Variants in VGLL3 observed in about 807,000 individuals in gnomAD.
VGLL3 encodes transcription cofactor vestigial-like protein 3.
In VGLL3, 18 loss-of-function variants were observed where a neutral mutation model predicts 29.2. That is an observed-to-expected ratio of 0.62 (90% confidence interval 0.43 to 0.91). The LOEUF is 0.91. Among genes scored for constraint, VGLL3 ranks in the 40% least tolerant of loss-of-function variants. The pLI, the probability that VGLL3 is intolerant of heterozygous loss-of-function variation, is 0.00. For synonymous variants in VGLL3, 180 were observed against 151.8 expected (o/e 1.19, Z -1.36); for missense variants, 440 against 413.2 (o/e 1.06, Z -0.56).
In VGLL3 at chr3:86,944,182, C is replaced by G. The variant is rs1207371358; in HGVS notation, c.*2842G>C. ...TTATAGAGACATGCTCATTCTCTTT[C>G]TATGTATATTTTTGATCCACTCCCT... On this transcript the variant is annotated 3_prime_UTR_variant, in exon 4 of 4. Transcript: ENST00000398399. 3 of 152,120 alleles carry G rather than the reference C, an allele frequency of 2.0e-5. No individual in the cohort carries two copies. Among genetic ancestry groups the G allele is most frequent in the South Asian group, 4.1e-4 (2 of 4,824 alleles). The allele number at this position is 152,120 out of a possible 1,614,324, so 9.4% of individuals were successfully genotyped here. A position where few individuals can be genotyped will look rare whatever the true frequency, so the allele number is the denominator to read the frequency against.
chr3:86,990,806 C>G lies in VGLL3; in HGVS notation c.-63G>C. The stretch of plus-strand genomic sequence containing the variant: ...CCGCTCTACGCGCTGGCGCGAGGGG[C>G]GCGGGCGCCGCCGCCGCCGCAGCTG... On this transcript the variant is annotated 5_prime_UTR_variant, in exon 1 of 4. Coordinates refer to ENST00000398399, the MANE Select transcript of VGLL3 (RefSeq NM_016206.4). 8.2e-7 allele frequency: 1 copy of G among 1,219,582 alleles called. No homozygotes were observed. Among genetic ancestry groups the G allele is most frequent in the South Asian group, 4.1e-5 (1 of 24,364 alleles). 75.5% of individuals were successfully genotyped at this position (1,219,582 alleles called of 1,614,324 possible). A position where few individuals can be genotyped will look rare whatever the true frequency, so the allele number is the denominator to read the frequency against.
intron 2 of VGLL3, among the ~76,000 whole-genome samples, chr3:86,971,990 T>A (rs559939734): frequency 6.6e-6 from 1 of 152,250 alleles, no homozygotes; most frequent in Admixed American, 6.5e-5. Flanking sequence ...GCCAGAGATA[T>A]AGAATTCCCC....
intron 3 of VGLL3, among the ~76,000 whole-genome samples, chr3:86,968,351 CAG>C (rs1258139731): frequency 6.6e-6 from 1 of 152,126 alleles, no homozygotes; most frequent in Non-Finnish European, 1.5e-5. Context: ...TTCAAAGGAA[CAG>C]ACTACTAACC....
chr3:86,940,552 TGAATAAGGA>T lies in VGLL3; in HGVS notation c.*6463_*6471del, dbSNP rs1402226027. ...CCAAAATATTTATAAGATGCTTAATTGAATAAGGAGGAAACAAAAAGAGCTTTAAATTCT... is the reference window on the plus strand; with the variant it reads ...CCAAAATATTTATAAGATGCTTAATTGGAAACAAAAAGAGCTTTAAATTCT... On this transcript the variant is annotated 3_prime_UTR_variant, in exon 4 of 4. Coordinates refer to ENST00000398399, the MANE Select transcript of VGLL3 (RefSeq NM_016206.4). 1 of 152,538 alleles carries T rather than the reference TGAATAAGGA, an allele frequency of 6.6e-6. No homozygotes were observed. Among genetic ancestry groups the T allele is most frequent in the East Asian group, 1.9e-4 (1 of 5,202 alleles). The allele number at this position is 152,538 out of a possible 1,614,324, so 9.4% of individuals were successfully genotyped here. A position where few individuals can be genotyped will look rare whatever the true frequency, so the allele number is the denominator to read the frequency against.
At chr3:86,968,541 T>G (rs1705010990) in intron 3 of VGLL3, 49 bp downstream of exon 3, 1 of 1,535,254 alleles carries the variant, frequency 6.5e-7, no homozygotes, top group Non-Finnish European at 8.8e-7. Flanking sequence ...CCACCCTTTC[T>G]TAAATTAACT....
At chr3:86,965,011 G>A (rs1338918769) in intron 3 of VGLL3, among the ~76,000 whole-genome samples, 1 of 151,952 alleles carries the variant, frequency 6.6e-6, no homozygotes, top group Non-Finnish European at 1.5e-5. Flanking sequence ...TACAAAATTA[G>A]CCGGGCATAG....
At chr3:86,949,839 A>G (rs1002721633) in intron 3 of VGLL3, among the ~76,000 whole-genome samples, 7 of 148,860 alleles carry the variant, frequency 4.7e-5, no homozygotes, top group African/African-American at 1.8e-4. Context: ...AAAAAAAAAA[A>G]AAAGAAAAGA....
At chr3:86,971,691 C>A (rs181697707) in intron 2 of VGLL3, among the ~76,000 whole-genome samples, 6 of 152,110 alleles carry the variant, frequency 3.9e-5, no homozygotes, top group African/African-American at 1.4e-4. Flanking sequence ...GAAGGAAAGT[C>A]GTGTAAGTTG....
At position 86,945,117 on chromosome 3, in the gene VGLL3, A is replaced by G. The variant is rs998805092; in HGVS notation, c.*1907T>C. On this transcript the variant is annotated 3_prime_UTR_variant, in exon 4 of 4. Coordinates refer to ENST00000398399, the MANE Select transcript of VGLL3 (RefSeq NM_016206.4). ...TTCATATTATTAGTGAGTGGAAGGTATCTTAAATTTGGACCCCACAATGGT... is the reference window on the plus strand; with the variant it reads ...TTCATATTATTAGTGAGTGGAAGGTGTCTTAAATTTGGACCCCACAATGGT... The G allele has an allele frequency of 6.6e-6, 1 of 152,236 alleles. No homozygotes were observed. The highest frequency in any genetic ancestry group is 2.4e-5 in the African/African-American group (1 of 41,462). 9.4% of individuals were successfully genotyped at this position (152,236 alleles called of 1,614,324 possible).
At chr3:86,952,319 C>T (rs1704634024) in intron 3 of VGLL3, among the ~76,000 whole-genome samples, 1 of 152,130 alleles carries the variant, frequency 6.6e-6, no homozygotes, top group African/African-American at 2.4e-5. Context: ...TAATATACAG[C>T]TGAGTTTTAG....
intron 2 of VGLL3, among the ~76,000 whole-genome samples, chr3:86,975,855 G>A (rs1057196766): frequency 6.6e-6 from 1 of 151,988 alleles, no homozygotes; most frequent in African/African-American, 2.4e-5. Context: ...CTGTAAGTGT[G>A]GCTCCGAGCA....
rs1704446578 is a variant in VGLL3, at chr3:86,943,741, T to A, written c.*3283A>T. 1 of 152,164 alleles carries A rather than the reference T, an allele frequency of 6.6e-6. No homozygotes were observed. Among genetic ancestry groups the A allele is most frequent in the African/African-American group, 2.4e-5 (1 of 41,432 alleles). 9.4% of individuals were successfully genotyped at this position (152,164 alleles called of 1,614,324 possible). ...TCAAAAGTTTAGAGGCTCTTTCAAATTAATAATGAGAGACAAAATAATCTG... is the reference window on the plus strand; with the variant it reads ...TCAAAAGTTTAGAGGCTCTTTCAAAATAATAATGAGAGACAAAATAATCTG... On this transcript the variant is annotated 3_prime_UTR_variant, in exon 4 of 4. Coordinates refer to ENST00000398399, the MANE Select transcript of VGLL3 (RefSeq NM_016206.4).
rs377168997 is a variant in VGLL3 at position 86,969,037 on chromosome 3, C to G, written c.490G>C (p.Gly164Arg). The change falls in exon 3 of 4, where the codon GGG (glycine) becomes CGG (arginine). Residue 164 changes from glycine (G) to arginine (R), a missense_variant. Coordinates refer to ENST00000398399, the MANE Select transcript of VGLL3 (RefSeq NM_016206.4). Reference protein sequence around the residue: ...SYQPPPAPCLGGVHPDFQVTG... With the variant: ...SYQPPPAPCLRGVHPDFQVTG... Reference sequence around the variant, plus strand: ...ACCTGGAAGTCAGGATGAACTCCCCCCAAACAAGGTGCAGGTGGGGGCTGG... The same window carrying G: ...ACCTGGAAGTCAGGATGAACTCCCCGCAAACAAGGTGCAGGTGGGGGCTGG... The G allele has an allele frequency of 4.3e-6, 7 of 1,613,948 alleles. No homozygotes were observed. Among genetic ancestry groups the G allele is most frequent in the South Asian group, 2.2e-5 (2 of 91,064 alleles).
At chr3:86,964,337 C>A (rs568397540) in intron 3 of VGLL3, among the ~76,000 whole-genome samples, 247 of 152,236 alleles carry the variant, frequency 1.6e-3, no homozygotes, top group African/African-American at 5.7e-3. Flanking sequence ...ATTTTGCTAA[C>A]CCCTGGATTA....
chr3:86,952,389 G>A (rs1267267751), intron 3 of VGLL3, among the ~76,000 whole-genome samples: 2 of 152,154 alleles, frequency 1.3e-5, no homozygotes, highest in Admixed American at 6.6e-5. Context: ...TTCTGAGAAA[G>A]TATAGTCATT....
At chr3:86,963,819 G>A (rs1704905969) in intron 3 of VGLL3, among the ~76,000 whole-genome samples, 1 of 152,182 alleles carries the variant, frequency 6.6e-6, no homozygotes, top group Non-Finnish European at 1.5e-5. Flanking sequence ...TTTGTAAGTG[G>A]CAGAGCTGGG....
In VGLL3 at chr3:86,968,716, T is replaced by G; in HGVS notation, c.811A>C (p.Arg271=). 6.2e-7 allele frequency: 1 copy of G among 1,614,186 alleles called. No individual in the cohort carries two copies. The highest frequency in any genetic ancestry group is 8.5e-7 in the Non-Finnish European group (1 of 1,180,032). Residue 271 remains arginine (R), a synonymous_variant, in exon 3 of 4, where the codon AGG becomes CGG. Coordinates refer to ENST00000398399, the MANE Select transcript of VGLL3 (RefSeq NM_016206.4). ...ATGTCACACTGGGGAGCAGGAATCC[T>G]GGCCGCATGCACTGAAGGCATCAGC... The part of the protein sequence containing the change: ...PLLMPSVHAA[R]IPAPQCDITK...
chr3:86,944,836 A>G lies in VGLL3; in HGVS notation c.*2188T>C, dbSNP rs1288279529. 6 of 152,236 alleles carry G rather than the reference A, an allele frequency of 3.9e-5. No homozygotes were observed. Among genetic ancestry groups the G allele is most frequent in the Non-Finnish European group, 7.3e-5 (5 of 68,040 alleles). 9.4% of individuals were successfully genotyped at this position (152,236 alleles called of 1,614,324 possible). A position where few individuals can be genotyped will look rare whatever the true frequency, so the allele number is the denominator to read the frequency against. ...CTGAATGAGTTTAACACTACTTTCA[A>G]ATAAATTACAAAGGAAGTTAATGTA... On this transcript the variant is annotated 3_prime_UTR_variant, in exon 4 of 4. Coordinates refer to ENST00000398399, the MANE Select transcript of VGLL3 (RefSeq NM_016206.4).
At position 86,945,448 on chromosome 3, in the gene VGLL3, C is replaced by G. The variant is rs1704487860; in HGVS notation, c.*1576G>C. On this transcript the variant is annotated 3_prime_UTR_variant, in exon 4 of 4. Transcript: ENST00000398399. ...AAAAATGGGAGAAATTTGAAAAAAC[C>G]TCTTTATAAAGCTAAAAAACTTCTC... The G allele has an allele frequency of 6.6e-6, 1 of 152,010 alleles. No homozygotes were observed. The highest frequency in any genetic ancestry group is 2.4e-5 in the African/African-American group (1 of 41,408). The allele number at this position is 152,010 out of a possible 1,614,324, so 9.4% of individuals were successfully genotyped here.
Sources: gnomAD v4.1 joint callset for allele counts (sites outside exome capture counted in the v4.1 genomes callset) on GRCh38, gnomAD v4.1.1 for gene constraint, MANE v1.5 for transcripts, NCBI Gene and HGNC (gene_info 2026-07-23, HGNC 2026-07-21) for gene names.